The following ZNF44 variants were observed in gnomAD, a reference collection of about 807,000 sequenced individuals.
The protein encoded by ZNF44 is zinc finger protein 44, also known as gonadotropin inducible transcription repressor-2.
Under a neutral mutation model 11.7 loss-of-function variants are expected in ZNF44, and 9 were observed. The ratio of observed to expected loss-of-function variants is 0.77; its 90% CI spans 0.46 to 1.35. The LOEUF (loss-of-function observed/expected upper bound fraction) is 1.35. Ranked by LOEUF, ZNF44 falls within the 40% of genes most tolerant of loss-of-function variation. The pLI is 0.00. For synonymous variants in ZNF44, 224 were observed against 242.7 expected, an observed-to-expected ratio of 0.92 and a Z score of 0.72; for missense variants, 696 against 743.1, an observed-to-expected ratio of 0.94 and a Z score of 0.74.
chr19:12,260,458 G>A lies in ZNF44; in HGVS notation c.1913-10090C>T, dbSNP rs536703989. On this transcript the variant is annotated intron_variant and NMD_transcript_variant, in intron 5 of 7. Coordinates refer to the ZNF44 transcript ENST00000393337. ...CCCGACCTGCGCATGGCAGCCATCC[G>A]CAGGGTCAGCGCCATCCTGTGCAGC... The A allele has an allele frequency of 5.2e-5, 71 of 1,370,156 alleles. No homozygotes were observed. In the African/African-American group the frequency reaches 9.2e-4, roughly 18 times the overall value. 84.9% of individuals were successfully genotyped at this position (1,370,156 alleles called of 1,614,324 possible).
At chr19:12,240,444 CAAAAAAAA>C (rs56300338), upstream of ZNF44, among the ~76,000 whole-genome samples, 42 of 102,370 alleles carry the variant, frequency 4.1e-4, no homozygotes, top group African/African-American at 1.5e-3. Context: ...GATTCTATCT[CAAAAAAAA>C]AAAAAAAAAA....
At chr19:12,232,601 C>G (rs1046123516) in intron 2 of ZNF44, among the ~76,000 whole-genome samples, 1 of 152,186 alleles carries the variant, frequency 6.6e-6, no homozygotes, top group Non-Finnish European at 1.5e-5. Flanking sequence ...TTGCACCCCC[C>G]TTAATCCATT....
At chr19:12,277,555 C>A (rs1215565151) in intron 1 of ZNF44, among the ~76,000 whole-genome samples, 1 of 152,068 alleles carries the variant, frequency 6.6e-6, no homozygotes. Context: ...GACAGCTTTA[C>A]AAAAACAAAC....
At chr19:12,263,610 CAAAAAACAAAAAACA>C (rs1917605264) in intron 5 of ZNF44, among the ~76,000 whole-genome samples, 1 of 151,404 alleles carries the variant, frequency 6.6e-6, no homozygotes, top group African/African-American at 2.4e-5. Context: ...CCTGTCTCTA[CAAAAAACAAAAAACA>C]AAAAAACAAA....
intron 3 of ZNF44, among the ~76,000 whole-genome samples, chr19:12,227,403 A>G (rs944160121): frequency 6.6e-6 from 1 of 152,206 alleles, no homozygotes; most frequent in African/African-American, 2.4e-5. Context: ...GGAGTTTCAG[A>G]CCAGCCTCAC....
downstream of ZNF44, among the ~76,000 whole-genome samples, chr19:12,268,103 CTGGGATTACATGGGCCTT>C (rs568947325): frequency 8.4e-3 from 1,264 of 150,326 alleles, 9 homozygotes; most frequent in South Asian, 0.015. Context: ...TCCCAAAGTG[CTGGGATTACATGGGCCTT>C]TGGTGTTCTT....
intron 1 of ZNF44, among the ~76,000 whole-genome samples, chr19:12,294,050 C>T (rs890469488): frequency 6.6e-6 from 1 of 152,270 alleles, no homozygotes; most frequent in Non-Finnish European, 1.5e-5. Context: ...CGCCGGCTTC[C>T]CCATTGGCCT....
chr19:12,232,708 T>C (rs893593396), intron 2 of ZNF44, among the ~76,000 whole-genome samples: 2 of 151,852 alleles, frequency 1.3e-5, no homozygotes, highest in African/African-American at 4.9e-5. Flanking sequence ...TTTTTCTTAG[T>C]ACAGAACAAA....
At chr19:12,294,632 T>A (rs932018408) in intron 1 of ZNF44, 60 bp downstream of exon 1, 6 of 1,543,844 alleles carry the variant, frequency 3.9e-6, no homozygotes, top group Non-Finnish European at 5.2e-6. Context: ...CACAGCCGGT[T>A]CCGACTGGTT....
At chr19:12,225,633 C>T (rs1378076103), downstream of ZNF44, among the ~76,000 whole-genome samples, 1 of 152,132 alleles carries the variant, frequency 6.6e-6, no homozygotes, top group Non-Finnish European at 1.5e-5. Flanking sequence ...ATATTTTACC[C>T]TGAGGGTGCT....
chr19:12,231,385 AAG>A (rs1248330684), intron 2 of ZNF44, among the ~76,000 whole-genome samples: 1 of 152,170 alleles, frequency 6.6e-6, no homozygotes, highest in Non-Finnish European at 1.5e-5. Flanking sequence ...TCAGTTCCTA[AAG>A]AGAGAGGATT....
At chr19:12,284,754 A>G (rs1261957880) in intron 1 of ZNF44, 2 of 811,672 alleles carry the variant, frequency 2.5e-6, no homozygotes, top group African/African-American at 3.3e-5. Context: ...AGCCACTGCC[A>G]TCCGCGGGGC....
At chr19:12,287,030 TACAC>T (rs899550234) in intron 1 of ZNF44, among the ~76,000 whole-genome samples, 2 of 142,066 alleles carry the variant, frequency 1.4e-5, no homozygotes, top group African/African-American at 2.7e-5. Flanking sequence ...TATATATATA[TACAC>T]ACACACACAC....
chr19:12,284,384 C>G (rs1305822102), intron 1 of ZNF44: 1 of 616,052 alleles, frequency 1.6e-6, no homozygotes, highest in Non-Finnish European at 3.0e-6. Context: ...GCCCTGGGGA[C>G]CCTGGGATGG....
intron 1 of ZNF44, chr19:12,284,813 G>C: frequency 8.4e-7 from 1 of 1,195,130 alleles, no homozygotes; most frequent in Non-Finnish European, 1.2e-6. Flanking sequence ...GAGGCTACTG[G>C]GGGAACAAGA....
intron 5 of ZNF44, among the ~76,000 whole-genome samples, chr19:12,258,160 C>CAAAAAAAAAAA (rs770370872): frequency 1.8e-5 from 1 of 55,890 alleles, no homozygotes; most frequent in Non-Finnish European, 3.4e-5. Context: ...CTCATCTCTA[C>CAAAAAAAAAAA]AAAAAAAAAA....
chr19:12,234,041 GAC>G (rs1568419895), intron 2 of ZNF44, among the ~76,000 whole-genome samples: 1 of 150,366 alleles, frequency 6.7e-6, no homozygotes, highest in African/African-American at 2.5e-5. Flanking sequence ...CAGCCTGGGG[GAC>G]AGAGTGAGAC....
chr19:12,248,318 G>A (rs1315636427), exon 8 of ZNF44: 3 of 1,294,306 alleles, frequency 2.3e-6, no homozygotes, highest in Non-Finnish European at 3.0e-6. Flanking sequence ...CATGTATTTG[G>A]AAAGAACGTT....
At chr19:12,250,907 C>A in intron 5 of ZNF44, 1 of 425,522 alleles carries the variant, frequency 2.4e-6, no homozygotes, top group Non-Finnish European at 4.7e-6. Context: ...TAGTCAGATC[C>A]AGCCAATTCA....
Sources: allele counts gnomAD v4.1 joint callset (sites outside exome capture counted in the v4.1 genomes callset), GRCh38; gene constraint gnomAD v4.1.1; transcripts MANE v1.5; gene names NCBI Gene and HGNC (gene_info 2026-07-23, HGNC 2026-07-21).